DLG2: variants seen among roughly 807,000 people sequenced by gnomAD.
DLG2 encodes the protein disks large homolog 2.
DLG2 carries 45 observed loss-of-function variants against 132.5 expected under a neutral mutation model. The observed-to-expected ratio is 0.34, with a 90% CI of 0.27 to 0.44. DLG2 has a LOEUF of 0.44. Ranked by LOEUF, DLG2 falls within the 20% of genes least tolerant of loss-of-function variation. The pLI is 1.00. For synonymous variants in DLG2, 424 were observed against 419.6 expected (o/e 1.01, Z -0.13); for missense variants, 1,045 against 1,196.9 (o/e 0.87, Z 1.87).
intron 3 of DLG2, among the ~76,000 whole-genome samples, chr11:85,397,796 C>T (rs1455005904): frequency 1.3e-5 from 2 of 152,100 alleles, no homozygotes; most frequent in South Asian, 2.1e-4. Flanking sequence ...CAGAGACCTA[C>T]AAAGAGTCTT....
intron 6 of DLG2, among the ~76,000 whole-genome samples, chr11:85,045,838 G>A (rs2062288928): frequency 6.6e-6 from 1 of 152,076 alleles, no homozygotes; most frequent in East Asian, 1.9e-4. Flanking sequence ...CATTTTGGAA[G>A]AGAAGAATAA....
intron 11 of DLG2, among the ~76,000 whole-genome samples, chr11:83,998,443 A>C (rs1252079706): frequency 6.6e-6 from 1 of 152,204 alleles, no homozygotes; most frequent in Admixed American, 6.5e-5. Flanking sequence ...AAATACTGGA[A>C]TGTAATAAAT....
At chr11:85,561,782 A>G (rs1325826145) in intron 3 of DLG2, among the ~76,000 whole-genome samples, 1 of 151,928 alleles carries the variant, frequency 6.6e-6, no homozygotes, top group Non-Finnish European at 1.5e-5. Context: ...TCTCACTGAA[A>G]TTTCTCTCTT....
intron 6 of DLG2, among the ~76,000 whole-genome samples, chr11:84,678,330 TC>T (rs772126852): frequency 1.3e-4 from 20 of 152,182 alleles, no homozygotes; most frequent in Admixed American, 3.3e-4. Flanking sequence ...GCAACAGCAG[TC>T]CATCTGTTTT....
At chr11:84,922,552 T>C (rs1009066304) in intron 6 of DLG2, among the ~76,000 whole-genome samples, 1 of 152,120 alleles carries the variant, frequency 6.6e-6, no homozygotes, top group African/African-American at 2.4e-5. Flanking sequence ...AGCTGACGAT[T>C]TGTATAATCA....
intron 6 of DLG2, 96 bp downstream of exon 6, chr11:85,111,565 A>G: frequency 1.0e-6 from 1 of 1,000,520 alleles, no homozygotes; most frequent in Non-Finnish European, 1.4e-6. Context: ...TTACTCCAGA[A>G]TTTCAGAGAG....
At chr11:85,000,347 T>C (rs2058095560) in intron 6 of DLG2, among the ~76,000 whole-genome samples, 1 of 152,218 alleles carries the variant, frequency 6.6e-6, no homozygotes, top group Non-Finnish European at 1.5e-5. Flanking sequence ...TCCACTAACG[T>C]AATTCTCCAA....
At chr11:84,549,323 A>C (rs563546347) in intron 6 of DLG2, among the ~76,000 whole-genome samples, 1 of 152,322 alleles carries the variant, frequency 6.6e-6, no homozygotes, top group African/African-American at 2.4e-5. Context: ...GATAACTGCC[A>C]CTGGATTCTA....
At chr11:84,532,311 C>T (rs74803116) in intron 7 of DLG2, among the ~76,000 whole-genome samples, 7,002 of 152,012 alleles carry the variant, frequency 0.046, 174 homozygotes, top group Middle Eastern at 0.1. Flanking sequence ...TTTCATCTAT[C>T]ATTATTAGTT....
intron 6 of DLG2, among the ~76,000 whole-genome samples, chr11:84,843,600 C>G (rs984287519): frequency 6.6e-6 from 1 of 151,832 alleles, no homozygotes; most frequent in African/African-American, 2.4e-5. Flanking sequence ...ATGCTCAAGT[C>G]CTTTATATAA....
chr11:83,895,098 G>T (rs1565537215), intron 15 of DLG2, among the ~76,000 whole-genome samples: 1 of 149,902 alleles, frequency 6.7e-6, no homozygotes, highest in African/African-American at 2.5e-5. Context: ...TATAAATAAT[G>T]CACATACATG....
At chr11:84,477,911 A>G (rs2099126123) in intron 7 of DLG2, among the ~76,000 whole-genome samples, 1 of 152,176 alleles carries the variant, frequency 6.6e-6, no homozygotes, top group African/African-American at 2.4e-5. Flanking sequence ...ATCATGTTTC[A>G]GGTACAATTT....
intron 3 of DLG2, among the ~76,000 whole-genome samples, chr11:85,567,654 T>C (rs1170635924): frequency 6.6e-6 from 1 of 152,188 alleles, no homozygotes; most frequent in Admixed American, 6.6e-5. Flanking sequence ...GAATTTCCAG[T>C]ACAATGTTTA....
intron 11 of DLG2, among the ~76,000 whole-genome samples, chr11:84,020,540 A>C (rs901898799): frequency 2.0e-5 from 3 of 152,242 alleles, no homozygotes; most frequent in African/African-American, 7.2e-5. Context: ...GCAGCTGTAA[A>C]TAAAACAAGC....
At chr11:85,455,296 G>A (rs915736317) in intron 3 of DLG2, among the ~76,000 whole-genome samples, 9 of 152,098 alleles carry the variant, frequency 5.9e-5, no homozygotes, top group African/African-American at 1.9e-4. Context: ...TTGTAAACGG[G>A]ATTGTGTTCC....
At chr11:84,637,214 A>T (rs1308688956) in intron 6 of DLG2, among the ~76,000 whole-genome samples, 1 of 152,170 alleles carries the variant, frequency 6.6e-6, no homozygotes, top group Non-Finnish European at 1.5e-5. Context: ...AGATAAGGCC[A>T]CCTCGAGAAG....
chr11:85,058,992 A>G (rs1014617906), intron 6 of DLG2, among the ~76,000 whole-genome samples: 4 of 151,546 alleles, frequency 2.6e-5, no homozygotes, highest in Non-Finnish European at 5.9e-5. Context: ...TTTCATAAAG[A>G]AAAAGAATGA....
At chr11:84,383,761 T>C (rs1265054772) in intron 7 of DLG2, among the ~76,000 whole-genome samples, 1 of 152,124 alleles carries the variant, frequency 6.6e-6, no homozygotes, top group Non-Finnish European at 1.5e-5. Flanking sequence ...GCTTAGCCTC[T>C]TGTAAGACTG....
At chr11:85,051,941 G>A (rs979421474) in intron 6 of DLG2, among the ~76,000 whole-genome samples, 4 of 152,096 alleles carry the variant, frequency 2.6e-5, no homozygotes, top group Admixed American at 6.6e-5. Context: ...AGTAGCTTTT[G>A]TGCTGTAGGT....
Sources: allele counts gnomAD v4.1 joint callset (sites outside exome capture counted in the v4.1 genomes callset), GRCh38; gene constraint gnomAD v4.1.1; transcripts MANE v1.5; gene names NCBI Gene and HGNC (gene_info 2026-07-23, HGNC 2026-07-21).